The following TCTN1 variants were observed in gnomAD, a reference collection of about 807,000 sequenced individuals.
TCTN1 encodes tectonic-1.
Under a neutral mutation model 65.8 loss-of-function variants are expected in TCTN1, and 58 were observed. That is an observed-to-expected ratio of 0.88 (90% CI 0.71 to 1.10). TCTN1 has a LOEUF of 1.10. TCTN1 is among the 50% of genes least tolerant of loss of function. TCTN1 has a pLI of 0.00. For synonymous variants in TCTN1, 273 were observed against 289.1 expected (o/e 0.94, Z 0.57); for missense variants, 645 against 719.4 (o/e 0.90, Z 1.18).
chr12:110,635,644 C>T (rs2066518928), intron 6 of TCTN1: 2 of 152,162 alleles, frequency 1.3e-5, no homozygotes, highest in Non-Finnish European at 1.5e-5. Context: ...GACCTGGTCT[C>T]TAACAAAACA....
chr12:110,627,767 A>T (rs147026454), intron 3 of TCTN1: 136 of 465,812 alleles, frequency 2.9e-4, no homozygotes, highest in African/African-American at 2.3e-3. Context: ...TTATCTGAGC[A>T]TTTAGCTCAA....
In TCTN1 at chr12:110,647,825, C is replaced by T. The variant is rs755289618; in HGVS notation, c.1712C>T (p.Ala571Val). 6.2e-7 allele frequency: 1 copy of T among 1,614,210 alleles called. No individual in the cohort carries two copies. Among genetic ancestry groups the T allele is most frequent in the Non-Finnish European group, 8.5e-7 (1 of 1,180,048 alleles). ...GTGGATGTGTCTGCACCTGCAGAGGCAGGCTTCAGAGCTCCACCAGCCATC... is the reference window on the plus strand; with the variant it reads ...GTGGATGTGTCTGCACCTGCAGAGGTAGGCTTCAGAGCTCCACCAGCCATC... The part of the protein sequence containing the change: ...TFVDVSAPAE[A>V]GFRAPPAINA... The change falls in exon 14 of 15, where the codon GCA becomes GTA. Residue 571 changes from alanine to valine, a missense_variant. Transcript: ENST00000397659.
In TCTN1 at chr12:110,640,477, A is replaced by G. The variant is rs781101415; in HGVS notation, c.938A>G (p.Asn313Ser). The G allele has an allele frequency of 7.4e-6, 12 of 1,614,218 alleles. No homozygotes were observed. Among genetic ancestry groups the G allele is most frequent in the Non-Finnish European group, 9.3e-6 (11 of 1,180,052 alleles). The change falls in exon 8 of 15, where the codon AAC becomes AGC. Residue 313 changes from asparagine to serine, a missense_variant. Physicochemically the swap from Asn to Ser is conservative, Grantham distance 46 (BLOSUM62 1). Coordinates refer to ENST00000397659, the MANE Select transcript of TCTN1 (RefSeq NM_001082538.3). This position sits in a 1 kb window ranked among gnomAD's most constrained non-coding sequence, Gnocchi z 4.9. The part of the protein sequence containing the change: ...DTDVLQPTLV[N>S]AGHFSLCVNV... ...GATGTGCTGCAGCCGACTCTCGTCA[A>G]CGCTGGACACTTTAGCCTTTGCGTG...
chr12:110,617,939 G>C (rs922792701), intron 1 of TCTN1, among the ~76,000 whole-genome samples: 2 of 151,616 alleles, frequency 1.3e-5, no homozygotes, highest in Non-Finnish European at 2.9e-5. Flanking sequence ...GCATCCGGCC[G>C]CTGTGGGGTA....
intron 12 of TCTN1, chr12:110,645,465 T>C (rs2067236740): frequency 2.8e-6 from 1 of 358,802 alleles, no homozygotes; most frequent in Non-Finnish European, 5.4e-6. Flanking sequence ...TCTGTGATCC[T>C]CATCCTGTTG....
chr12:110,614,351 C>T lies in TCTN1; in HGVS notation c.169C>T (p.Pro57Ser), dbSNP rs543518078. 2.5e-6 allele frequency: 4 copies of T among 1,607,138 alleles called. No homozygotes were observed. The highest frequency in any genetic ancestry group is 1.7e-5 in the Admixed American group (1 of 59,230). The change falls in exon 1 of 15, where the codon CCC (proline) becomes TCC (serine). Residue 57 changes from proline (P) to serine (S), a missense_variant. Transcript: ENST00000397659. The stretch of plus-strand genomic sequence containing the variant: ...CCCGTCGACCAGGCCCCCCGGGACT[C>T]CCAGGGCTCCAGGGCCCTCCTCCGG... ...TFPSTRPPGT[P>S]RAPGPSSGPR...
chr12:110,645,123 C>A lies in TCTN1; in HGVS notation c.1488C>A (p.Asn496Lys). Residue 496 changes from asparagine (N) to lysine (K), a missense_variant, in exon 12 of 15, where the codon AAC (asparagine) becomes AAA (lysine). By Grantham distance (94) the Asn-to-Lys change is moderately conservative. Coordinates refer to ENST00000397659, the MANE Select transcript of TCTN1 (RefSeq NM_001082538.3). The stretch of plus-strand genomic sequence containing the variant: ...TCCACTTCATCACCCAGTCATTCAA[C>A]AGGAAGGTAAAGGGGAGAAGGTACA... ...VPIHFITQSFNRKHFVLQDSC... is the reference protein window; with the variant it reads ...VPIHFITQSFKRKHFVLQDSC... The A allele has an allele frequency of 1.9e-6, 3 of 1,613,988 alleles. No homozygotes were observed. The highest frequency in any genetic ancestry group is 2.5e-6 in the Non-Finnish European group (3 of 1,179,974).
chr12:110,634,633 G>A (rs2066440442), intron 5 of TCTN1, 37 bp from the exon 6 acceptor site: 2 of 1,527,184 alleles, frequency 1.3e-6, no homozygotes, highest in Non-Finnish European at 1.8e-6. Context: ...CTTCTCTTTT[G>A]TATTTTTTTT....
chr12:110,632,673 T>G, intron 5 of TCTN1, 114 bp downstream of exon 5: 1 of 1,035,772 alleles, frequency 9.7e-7, no homozygotes, highest in South Asian at 1.3e-5. Flanking sequence ...CAATTATTTT[T>G]GCACCAACTT....
chr12:110,627,874 A>T, intron 3 of TCTN1: 2 of 626,668 alleles, frequency 3.2e-6, no homozygotes, highest in South Asian at 3.9e-5. Flanking sequence ...AAATTCTGTC[A>T]TATTTTCAGA....
rs2067417970 is a variant in TCTN1, at chr12:110,647,518, G to A, written c.1635+182G>A. ...TGGTTCTACTTACATTAGCATTCTG[G>A]TTCAGATTGGATCTTTAAAATTCTC... On this transcript the variant is annotated intron_variant, in intron 13 of 14. Transcript: ENST00000397659. The A allele has an allele frequency of 7.0e-6, 7 of 999,572 alleles. No individual in the cohort carries two copies. In the Admixed American group the frequency reaches 1.6e-4, roughly 22 times the overall value. The allele number at this position is 999,572 out of a possible 1,614,324, so 61.9% of individuals were successfully genotyped here. A position where few individuals can be genotyped will look rare whatever the true frequency, so the allele number is the denominator to read the frequency against.
At chr12:110,619,180 AAAAT>A (rs144515591) in intron 1 of TCTN1, among the ~76,000 whole-genome samples, 16,918 of 151,840 alleles carry the variant, frequency 0.11, 1,136 homozygotes, top group African/African-American at 0.19. Context: ...ACTCCTTTAA[AAAAT>A]AAATAAATAA....
At chr12:110,626,187 C>T (rs763343933) in intron 2 of TCTN1, among the ~76,000 whole-genome samples, 175 bp from the exon 3 acceptor site, 29 of 151,516 alleles carry the variant, frequency 1.9e-4, no homozygotes, top group Non-Finnish European at 1.9e-4. Flanking sequence ...CTCCTGGGTT[C>T]ATGCCATTCT....
chr12:110,645,129 G>A lies in TCTN1; in HGVS notation c.1494G>A (p.Lys498=). The change falls in exon 12 of 15, where the codon AAG becomes AAA. Residue 498 remains lysine, a splice_region_variant and synonymous_variant. Transcript: ENST00000397659. ...IHFITQSFNR[K]HFVLQDSCQL... The stretch of plus-strand genomic sequence containing the variant: ...TCATCACCCAGTCATTCAACAGGAA[G>A]GTAAAGGGGAGAAGGTACAGGTTCC... 2 of 1,613,980 alleles carry A rather than the reference G, an allele frequency of 1.2e-6. No homozygotes were observed. The highest frequency in any genetic ancestry group is 1.1e-5 in the South Asian group (1 of 91,068).
At chr12:110,634,596 A>G in intron 5 of TCTN1, 74 bp from the exon 6 acceptor site, 1 of 1,167,410 alleles carries the variant, frequency 8.6e-7, no homozygotes, top group Non-Finnish European at 1.2e-6. Flanking sequence ...AAAACTTTTT[A>G]GTTGCCATTG....
intron 4 of TCTN1, among the ~76,000 whole-genome samples, chr12:110,632,113 GTA>G (rs894057956): frequency 6.6e-6 from 1 of 152,098 alleles, no homozygotes; most frequent in Non-Finnish European, 1.5e-5. Flanking sequence ...AATGTATACT[GTA>G]TATGTTATTT....
chr12:110,626,520 T>C, intron 3 of TCTN1, 28 bp downstream of exon 3: 1 of 1,603,624 alleles, frequency 6.2e-7, no homozygotes, highest in South Asian at 1.1e-5. Context: ...ATATATTTTG[T>C]GAAGCTCTGG....
At chr12:110,625,591 A>T (rs1211673157) in intron 2 of TCTN1, 3 of 151,846 alleles carry the variant, frequency 2.0e-5, no homozygotes. Flanking sequence ...ATAAAAATAC[A>T]AAAATTAGCC....
At chr12:110,615,259 AG>A (rs1450536368) in intron 1 of TCTN1, among the ~76,000 whole-genome samples, 2 of 152,144 alleles carry the variant, frequency 1.3e-5, no homozygotes, top group Non-Finnish European at 2.9e-5. Context: ...CGACAGAGCA[AG>A]ACTGTCTCAA....
Sources: allele counts gnomAD v4.1 joint callset (sites outside exome capture counted in the v4.1 genomes callset), GRCh38; gene constraint gnomAD v4.1.1; non-coding constraint Gnocchi (gnomAD v3.1); transcripts MANE v1.5; gene names NCBI Gene and HGNC (gene_info 2026-07-23, HGNC 2026-07-21).